Variants in MGLL observed in about 807,000 individuals in gnomAD.
MGLL encodes the protein lysophospholipase homolog.
Under a neutral mutation model 29.1 loss-of-function variants are expected in MGLL, and 7 were observed. That is an observed-to-expected ratio of 0.24 (90% CI 0.14 to 0.45). The LOEUF (loss-of-function observed/expected upper bound fraction) is 0.45, where lower values mean the gene tolerates loss of function less well. Ranked by LOEUF, MGLL falls within the 20% of genes least tolerant of loss-of-function variation. The probability of loss-of-function intolerance (pLI) is 0.99; values close to 1 mark genes in which losing one functional copy is unlikely to be tolerated. For missense variants in MGLL, 356 were observed against 413.6 expected (o/e 0.86, Z 1.21); for synonymous variants, 148 against 168.3 (o/e 0.88, Z 0.93).
chr3:127,711,197 G>T (rs2075705904), intron 5 of MGLL: 1 of 189,208 alleles, frequency 5.3e-6, no homozygotes, highest in African/African-American at 2.3e-5. Flanking sequence ...GGGAAGGATT[G>T]CTGGGTTTGA....
chr3:127,741,030 C>T (rs1049371224), intron 3 of MGLL, among the ~76,000 whole-genome samples: 1 of 152,210 alleles, frequency 6.6e-6, no homozygotes. Context: ...CAGAGCCTGA[C>T]CTGGTAGACC....
intron 3 of MGLL, among the ~76,000 whole-genome samples, chr3:127,742,567 G>A (rs531873435): frequency 7.7e-6 from 1 of 129,430 alleles, no homozygotes; most frequent in South Asian, 2.6e-4. Context: ...TCCAGCCTGG[G>A]AGACAGAGCG....
chr3:127,776,592 C>T (rs964004638), intron 3 of MGLL, among the ~76,000 whole-genome samples: 8 of 151,022 alleles, frequency 5.3e-5, no homozygotes, highest in Non-Finnish European at 1.2e-4. Context: ...TCCTGAGCTG[C>T]GGGCCTTGTG....
intron 2 of MGLL, among the ~76,000 whole-genome samples, chr3:127,800,477 G>C (rs552813821): frequency 2.0e-5 from 3 of 152,302 alleles, no homozygotes; most frequent in Non-Finnish European, 4.4e-5. Context: ...CTTCATCTGT[G>C]AAATGAGGAG....
intron 3 of MGLL, among the ~76,000 whole-genome samples, chr3:127,755,261 C>T (rs1367321534): frequency 1.3e-5 from 2 of 152,292 alleles, no homozygotes; most frequent in Non-Finnish European, 2.9e-5. Context: ...AAACTGTTCA[C>T]GTGAGCTAGA....
At chr3:127,753,580 C>A (rs979422153) in intron 3 of MGLL, among the ~76,000 whole-genome samples, 2 of 152,196 alleles carry the variant, frequency 1.3e-5, no homozygotes, top group African/African-American at 4.8e-5. Flanking sequence ...CTTGCCTCAT[C>A]GAATCAGCAT....
At chr3:127,798,831 G>A (rs554271528) in intron 2 of MGLL, among the ~76,000 whole-genome samples, 13 of 152,194 alleles carry the variant, frequency 8.5e-5, no homozygotes, top group African/African-American at 2.9e-4. Context: ...GGGCTCCACA[G>A]CCTTTCCAGG....
At chr3:127,710,259 C>T (rs1211183057) in intron 6 of MGLL, among the ~76,000 whole-genome samples, 1 of 152,208 alleles carries the variant, frequency 6.6e-6, no homozygotes, top group Admixed American at 6.5e-5. Flanking sequence ...GTTCCATTCA[C>T]CACAAAATCC....
chr3:127,717,958 T>C (rs1033943545), intron 5 of MGLL, among the ~76,000 whole-genome samples: 92 of 152,348 alleles, frequency 6.0e-4, no homozygotes, highest in Non-Finnish European at 1.2e-3. Flanking sequence ...ATGGAGTTTT[T>C]GTTTCTGAAT....
intron 3 of MGLL, among the ~76,000 whole-genome samples, chr3:127,743,513 CCT>C (rs2107657999): frequency 6.8e-6 from 1 of 147,618 alleles, no homozygotes; most frequent in East Asian, 2.1e-4. Context: ...TAGGTCTGTC[CCT>C]TTTTGCTGCC....
chr3:127,759,024 G>A (rs1389016074), intron 3 of MGLL, among the ~76,000 whole-genome samples: 1 of 149,656 alleles, frequency 6.7e-6, no homozygotes, highest in African/African-American at 2.5e-5. Context: ...CCAGGTTCAA[G>A]TGATTCTCCT....
intron 2 of MGLL, among the ~76,000 whole-genome samples, chr3:127,795,273 A>G (rs2077365868): frequency 6.6e-6 from 1 of 152,226 alleles, no homozygotes; most frequent in African/African-American, 2.4e-5. Flanking sequence ...TTTATCCTAA[A>G]CAAATTAATG....
intron 2 of MGLL, among the ~76,000 whole-genome samples, chr3:127,818,097 G>A (rs1226204676): frequency 6.6e-6 from 1 of 152,132 alleles, no homozygotes; most frequent in African/African-American, 2.4e-5. Flanking sequence ...AGTAGCGGGG[G>A]CTACAGGCGT....
intron 2 of MGLL, among the ~76,000 whole-genome samples, chr3:127,814,000 C>T (rs1053300871): frequency 1.3e-5 from 2 of 151,560 alleles, no homozygotes; most frequent in Non-Finnish European, 2.9e-5. Flanking sequence ...TCTTCTCTCC[C>T]TCCTTCCTTC....
At chr3:127,795,874 C>A (rs2077374650) in intron 2 of MGLL, among the ~76,000 whole-genome samples, 1 of 152,212 alleles carries the variant, frequency 6.6e-6, no homozygotes, top group Admixed American at 6.5e-5. Flanking sequence ...ACAATCTTAT[C>A]ACCCAGTGAT....
intron 3 of MGLL, among the ~76,000 whole-genome samples, chr3:127,746,028 C>T (rs2076435346): frequency 6.6e-6 from 1 of 152,264 alleles, no homozygotes; most frequent in Middle Eastern, 3.4e-3. Flanking sequence ...GAATGAGTGA[C>T]AGCAGCTTGG....
chr3:127,774,648 C>T (rs1439299096), intron 3 of MGLL, among the ~76,000 whole-genome samples: 6 of 152,164 alleles, frequency 3.9e-5, no homozygotes, highest in Non-Finnish European at 8.8e-5. Flanking sequence ...GCAGGTACTT[C>T]GTGTCTAATA....
chr3:127,794,501 G>C (rs1295599027), intron 2 of MGLL, among the ~76,000 whole-genome samples: 1 of 152,156 alleles, frequency 6.6e-6, no homozygotes, highest in Non-Finnish European at 1.5e-5. Context: ...TGTCTTCTAT[G>C]ATGTAAGGCT....
At position 127,822,395 on chromosome 3, in the gene MGLL, C is replaced by T. The variant is rs1576331833; in HGVS notation, c.-77G>A. On this transcript the variant is annotated 5_prime_UTR_variant, in exon 1 of 8. Transcript: ENST00000265052. The stretch of plus-strand genomic sequence containing the variant: ...CAGGCAAATCGGGCTGTTCCCTCAT[C>T]TGGGCGGCCCCAAGGCAGCAGGAAG... The T allele has an allele frequency of 6.6e-7, 1 of 1,523,440 alleles. No individual in the cohort carries two copies. Among genetic ancestry groups the T allele is most frequent in the Non-Finnish European group, 9.1e-7 (1 of 1,098,716 alleles). The allele number at this position is 1,523,440 out of a possible 1,614,324, so 94.4% of individuals were successfully genotyped here.
Sources: allele counts gnomAD v4.1 joint callset (sites outside exome capture counted in the v4.1 genomes callset), GRCh38; gene constraint gnomAD v4.1.1; transcripts MANE v1.5; gene names NCBI Gene and HGNC (gene_info 2026-07-23, HGNC 2026-07-21).